RABEP1: variants seen among roughly 807,000 people sequenced by gnomAD.
RABEP1 encodes the protein rabaptin, RAB GTPase binding effector protein 1.
RABEP1 carries 51 observed loss-of-function variants against 123.4 expected under a neutral mutation model. The ratio of observed to expected loss-of-function variants is 0.41; its 90% confidence interval spans 0.33 to 0.52. The LOEUF is 0.52. Among genes scored for constraint, RABEP1 ranks in the 20% least tolerant of loss-of-function variants. The pLI is 0.16. For synonymous variants in RABEP1, 347 were observed against 355.2 expected (o/e 0.98, Z 0.26); for missense variants, 888 against 996.3 (o/e 0.89, Z 1.46).
chr17:5,302,591 C>CTTTTT (rs546960637), intron 1 of RABEP1, among the ~76,000 whole-genome samples: 2 of 123,406 alleles, frequency 1.6e-5, no homozygotes, highest in Non-Finnish European at 3.4e-5. Flanking sequence ...ATTTTTTAGA[C>CTTTTT]TTTTTTTTTT....
chr17:5,335,101 T>C (rs551932989), intron 3 of RABEP1, 83 bp from the exon 4 acceptor site: 11 of 1,217,704 alleles, frequency 9.0e-6, no homozygotes, highest in African/African-American at 4.6e-5. Flanking sequence ...GTAAGCTTTT[T>C]ATATAACTTT....
At chr17:5,331,055 TA>T (rs61075606) in intron 2 of RABEP1, among the ~76,000 whole-genome samples, 13,507 of 67,798 alleles carry the variant, frequency 0.2, 1,727 homozygotes, top group East Asian at 0.44. Flanking sequence ...TTTTTTTTTT[TA>T]AAGAAACACA....
At chr17:5,282,562 C>A (rs1338453498) in intron 1 of RABEP1, 42 bp downstream of exon 1, 2 of 1,136,320 alleles carry the variant, frequency 1.8e-6, no homozygotes, top group Non-Finnish European at 2.2e-6. Flanking sequence ...CGCGGCCTGC[C>A]CGGCGTCGGC....
chr17:5,284,620 C>T (rs1278532594), intron 1 of RABEP1, among the ~76,000 whole-genome samples: 2 of 152,070 alleles, frequency 1.3e-5, no homozygotes, highest in Admixed American at 6.6e-5. Flanking sequence ...GTGCATGCCA[C>T]TATTCCCAGC....
At chr17:5,337,111 T>TA (rs1378508199) in intron 4 of RABEP1, among the ~76,000 whole-genome samples, 46 of 152,352 alleles carry the variant, frequency 3.0e-4, no homozygotes, top group Admixed American at 8.5e-4. Flanking sequence ...CTAGTTTATG[T>TA]AAGTTGGTTC....
intron 4 of RABEP1, among the ~76,000 whole-genome samples, chr17:5,335,962 A>G (rs184149902): frequency 1.9e-3 from 294 of 152,262 alleles, no homozygotes; most frequent in Non-Finnish European, 3.6e-3. Flanking sequence ...CTTTCTCGGT[A>G]TCCTTTGGTT....
intron 10 of RABEP1, 99 bp from the exon 11 acceptor site, chr17:5,365,023 A>C: frequency 1.4e-6 from 1 of 727,148 alleles, no homozygotes. Flanking sequence ...CCAGAAAAAG[A>C]CATAAGAGAT....
chr17:5,295,161 C>T (rs888992772), intron 1 of RABEP1, among the ~76,000 whole-genome samples: 1 of 151,612 alleles, frequency 6.6e-6, no homozygotes, highest in African/African-American at 2.4e-5. Context: ...TCGGGCAAAT[C>T]ACCTGAAGTC....
intron 1 of RABEP1, among the ~76,000 whole-genome samples, chr17:5,282,901 C>A (rs981556136): frequency 6.6e-5 from 10 of 152,128 alleles, no homozygotes; most frequent in Non-Finnish European, 1.3e-4. Flanking sequence ...GAAAAAAAAT[C>A]TTAGCTTAGG....
intron 1 of RABEP1, among the ~76,000 whole-genome samples, chr17:5,302,691 C>G (rs2075146698): frequency 6.7e-6 from 1 of 149,404 alleles, no homozygotes; most frequent in Admixed American, 6.7e-5. Context: ...CCACACCTGG[C>G]TAATTTTTGT....
chr17:5,385,378 A>G lies in RABEP1; in HGVS notation c.*2155A>G, dbSNP rs1911865796. On this transcript the variant is annotated 3_prime_UTR_variant, in exon 18 of 18. Transcript: ENST00000537505. ...ATTCAGTCTGTGCCTACATGTTCTC[A>G]TGCATGTCTAACCTGATTTACCTCT... 2 of 230,348 alleles carry G rather than the reference A, an allele frequency of 8.7e-6. No individual in the cohort carries two copies. The highest frequency in any genetic ancestry group is 1.7e-5 in the Non-Finnish European group (2 of 116,352). The allele number at this position is 230,348 out of a possible 1,614,324, so 14.3% of individuals were successfully genotyped here. A position where few individuals can be genotyped will look rare whatever the true frequency, so the allele number is the denominator to read the frequency against.
In RABEP1 at chr17:5,293,685, G is replaced by GTTTAATTAAACAAATTAATTAATTTGT; in HGVS notation, c.34+11166_34+11167insTTAATTAAACAAATTAATTAATTTGTT. 1.3e-5 allele frequency among the ~76,000 whole-genome samples: 2 copies of GTTTAATTAAACAAATTAATTAATTTGT among 152,166 alleles called. 1 individual carries two copies. Among genetic ancestry groups the GTTTAATTAAACAAATTAATTAATTTGT allele is most frequent in the South Asian group, 4.1e-4 (2 of 4,826 alleles). Reference sequence around the variant, plus strand: ...GTTTCCCAAAGTTCTTTGATTACAGGTGTGAGCCACTGCATCTGGCCATTG... The same window carrying GTTTAATTAAACAAATTAATTAATTTGT: ...GTTTCCCAAAGTTCTTTGATTACAGGTTTAATTAAACAAATTAATTAATTTGTTGTGAGCCACTGCATCTGGCCATTG... On this transcript the variant is annotated intron_variant, in intron 1 of 17. Coordinates refer to ENST00000537505, the MANE Select transcript of RABEP1 (RefSeq NM_004703.6).
intron 1 of RABEP1, among the ~76,000 whole-genome samples, chr17:5,295,452 T>C (rs117484838): frequency 0.021 from 3,181 of 151,972 alleles, 103 homozygotes; most frequent in East Asian, 0.13. Context: ...ATGGATTCCA[T>C]AATAGGTTTA....
intron 2 of RABEP1, among the ~76,000 whole-genome samples, chr17:5,317,901 G>C (rs1011780310): frequency 6.6e-6 from 1 of 152,138 alleles, no homozygotes; most frequent in East Asian, 1.9e-4. Flanking sequence ...ATGTAATAAA[G>C]CCTCTAATAA....
At chr17:5,338,545 G>A (rs1395602389) in intron 5 of RABEP1, among the ~76,000 whole-genome samples, 1 of 152,196 alleles carries the variant, frequency 6.6e-6, no homozygotes, top group African/African-American at 2.4e-5. Flanking sequence ...TCCGGCCTGG[G>A]CAACAGGAGC....
chr17:5,298,804 C>T (rs1276866348), intron 1 of RABEP1, among the ~76,000 whole-genome samples: 6 of 151,904 alleles, frequency 3.9e-5, no homozygotes, highest in African/African-American at 9.7e-5. Context: ...TACAGGCGTC[C>T]GCCACCACGC....
intron 1 of RABEP1, among the ~76,000 whole-genome samples, chr17:5,286,004 T>C (rs2074974119): frequency 6.6e-6 from 1 of 152,220 alleles, no homozygotes; most frequent in African/African-American, 2.4e-5. Context: ...GGTACTCTTT[T>C]ACTTCTGTAA....
intron 12 of RABEP1, among the ~76,000 whole-genome samples, chr17:5,372,442 C>CT (rs1401807629): frequency 2.6e-5 from 4 of 152,046 alleles, no homozygotes; most frequent in Admixed American, 2.6e-4. Context: ...CAGAGCGAGA[C>CT]TGTCTCAAAA....
intron 1 of RABEP1, among the ~76,000 whole-genome samples, chr17:5,305,261 G>T (rs1375732866): frequency 6.6e-6 from 1 of 152,044 alleles, no homozygotes; most frequent in Non-Finnish European, 1.5e-5. Flanking sequence ...AAGTACTTGA[G>T]GTGGATGATC....
Sources: gnomAD v4.1 joint callset for allele counts (sites outside exome capture counted in the v4.1 genomes callset) on GRCh38, gnomAD v4.1.1 for gene constraint, MANE v1.5 for transcripts, NCBI Gene and HGNC (gene_info 2026-07-23, HGNC 2026-07-21) for gene names.